Variants in FLNB observed in about 807,000 individuals in gnomAD.
FLNB encodes the protein filamin B, also known as filamin-B.
In FLNB, 111 loss-of-function variants were observed where a neutral mutation model predicts 250.6. The ratio of observed to expected loss-of-function variants is 0.44; its 90% confidence interval spans 0.38 to 0.52. FLNB has a LOEUF of 0.52. FLNB is among the 20% of genes least tolerant of loss of function. FLNB has a pLI of 0.00. For synonymous variants in FLNB, 1,302 were observed against 1,372.1 expected (o/e 0.95, Z 1.13); for missense variants, 2,869 against 3,447.8 (o/e 0.83, Z 4.20).
intron 1 of FLNB, among the ~76,000 whole-genome samples, chr3:58,072,606 T>G (rs1191005861): frequency 6.6e-6 from 1 of 152,204 alleles, no homozygotes; most frequent in Non-Finnish European, 1.5e-5. Flanking sequence ...TTTGGGCAAG[T>G]CGCCATCTTT....
rs574654024 is a variant in FLNB at position 58,138,386 on chromosome 3, G to C, written c.4966G>C (p.Asp1656His). The change falls in exon 29 of 46, where the codon GAT (aspartate) becomes CAT (histidine). Residue 1656 changes from aspartate (D) to histidine (H), a missense_variant. Transcript: ENST00000295956. The part of the protein sequence containing the change: ...GKVTCTVLTP[D>H]GTEAEADVIE... ...AGTGACCTGCACGGTTCTGACCCCA[G>C]ATGGCACTGAGGCCGAGGCCGATGT... 112 of 1,614,242 alleles carry C rather than the reference G, an allele frequency of 6.9e-5. 1 individual carries two copies. The South Asian group carries it at 1.0e-3, about 15-fold the overall frequency.
intron 1 of FLNB, among the ~76,000 whole-genome samples, chr3:58,073,276 G>A (rs2097197287): frequency 6.6e-6 from 1 of 152,082 alleles, no homozygotes; most frequent in Admixed American, 6.6e-5. Context: ...CTGATAATCA[G>A]TAGGTAGTAA....
At chr3:58,084,856 T>C (rs2097214975) in intron 4 of FLNB, among the ~76,000 whole-genome samples, 1 of 152,104 alleles carries the variant, frequency 6.6e-6, no homozygotes, top group South Asian at 2.1e-4. Flanking sequence ...TGAAATCATA[T>C]GCTGTCTGTT....
chr3:58,050,386 G>A (rs2097160541), intron 1 of FLNB, among the ~76,000 whole-genome samples: 6 of 152,122 alleles, frequency 3.9e-5, no homozygotes, highest in Admixed American at 3.9e-4. Flanking sequence ...GACCAGAAGT[G>A]GGGACCTGAA....
intron 1 of FLNB, among the ~76,000 whole-genome samples, chr3:58,009,530 A>G (rs1400338863): frequency 6.6e-6 from 1 of 152,154 alleles, no homozygotes; most frequent in Non-Finnish European, 1.5e-5. Flanking sequence ...GTTATAATTT[A>G]GAGATGGTGG....
At chr3:58,083,454 C>A (rs2097212283) in intron 4 of FLNB, among the ~76,000 whole-genome samples, 1 of 150,712 alleles carries the variant, frequency 6.6e-6, no homozygotes, top group Non-Finnish European at 1.5e-5. Flanking sequence ...GCAACCTCTG[C>A]CTCCTGGGTT....
intron 39 of FLNB, 147 bp downstream of exon 39, chr3:58,153,788 C>A: frequency 1.0e-6 from 1 of 961,942 alleles, no homozygotes; most frequent in Non-Finnish European, 1.6e-6. Context: ...GGCATCATGA[C>A]TAAGTCTGGC....
At position 58,123,477 on chromosome 3, in the gene FLNB, G is replaced by A. The variant is rs764817484; in HGVS notation, c.3511G>A (p.Val1171Ile). The part of the protein sequence containing the change: ...AGPGALGLEA[V>I]SDSGTKAEVS... The stretch of plus-strand genomic sequence containing the variant: ...ACCGGGGGCCCTGGGCCTGGAAGCT[G>A]TCTCGGACTCGGGAACAAAAGCCGA... Residue 1171 changes from valine (V) to isoleucine (I), a missense_variant, in exon 21 of 46, where the codon GTC (valine) becomes ATC (isoleucine). This residue lies in a region of FLNB where 1,348 missense variants were observed against 1,466.7 expected (regional missense o/e 0.92). Coordinates refer to ENST00000295956, the MANE Select transcript of FLNB (RefSeq NM_001457.4). 1 of 1,604,992 alleles carries A rather than the reference G, an allele frequency of 6.2e-7. No homozygotes were observed. Among genetic ancestry groups the A allele is most frequent in the Admixed American group, 1.7e-5 (1 of 59,184 alleles).
chr3:58,139,324 T>C (rs1429842999), intron 29 of FLNB, among the ~76,000 whole-genome samples: 2 of 152,204 alleles, frequency 1.3e-5, no homozygotes, highest in African/African-American at 2.4e-5. Flanking sequence ...CCAAATACCA[T>C]GCTGTCATCC....
At position 58,170,848 on chromosome 3, in the gene FLNB, T is replaced by G; in HGVS notation, c.*86T>G. On this transcript the variant is annotated 3_prime_UTR_variant, in exon 46 of 46. Coordinates refer to ENST00000295956, the MANE Select transcript of FLNB (RefSeq NM_001457.4). Reference sequence around the variant, plus strand: ...TCATTTTATACAAAGCCCTCCAGCCTGTTTGTGGGGCTGAAACCCCATCCC... The same window carrying G: ...TCATTTTATACAAAGCCCTCCAGCCGGTTTGTGGGGCTGAAACCCCATCCC... 7.8e-7 allele frequency: 1 copy of G among 1,281,614 alleles called. No homozygotes were observed. Among genetic ancestry groups the G allele is most frequent in the Non-Finnish European group, 1.1e-6 (1 of 900,164 alleles). The allele number at this position is 1,281,614 out of a possible 1,614,324, so 79.4% of individuals were successfully genotyped here.
In FLNB at chr3:58,054,917, T is replaced by C. The variant is rs565203241; in HGVS notation, c.293-22129T>C. ...GTACTGTCTATGGATGCTTTCACAC[T>C]GCAACAATAGATCCAAATAGTTGCA... On this transcript the variant is annotated intron_variant, in intron 1 of 45. Coordinates refer to ENST00000295956, the MANE Select transcript of FLNB (RefSeq NM_001457.4). Among the ~76,000 whole-genome samples, 10 of 152,326 alleles carry C rather than the reference T, an allele frequency of 6.6e-5. No individual in the cohort carries two copies. The South Asian group carries it at 8.3e-4, about 13-fold the overall frequency.
In FLNB at chr3:58,078,798, G is replaced by A; in HGVS notation, c.623G>A (p.Trp208Ter). 6.2e-7 allele frequency: 1 copy of A among 1,612,966 alleles called. No individual in the cohort carries two copies. The highest frequency in any genetic ancestry group is 8.5e-7 in the Non-Finnish European group (1 of 1,179,516). Reference sequence around the variant, plus strand: ...GAAGCCATGCAGCAGGCAGATGACTGGCTGGGTGTCCCACAGGTATGCACA... The same window carrying A: ...GAAGCCATGCAGCAGGCAGATGACTAGCTGGGTGTCCCACAGGTATGCACA... ...AREAMQQADD[W>*]LGVPQVITPE... Residue 208 changes from tryptophan (W) to a stop codon, truncating the protein, a stop_gained, in exon 3 of 46, where the codon TGG becomes TAG. Coordinates refer to ENST00000295956, the MANE Select transcript of FLNB (RefSeq NM_001457.4). LOFTEE classifies it high-confidence loss of function.
At position 58,124,450 on chromosome 3, in the gene FLNB, T is replaced by C. The variant is rs909226230; in HGVS notation, c.3843T>C (p.Phe1281=). 3 of 1,614,234 alleles carry C rather than the reference T, an allele frequency of 1.9e-6. No homozygotes were observed. Among genetic ancestry groups the C allele is most frequent in the Non-Finnish European group, 2.5e-6 (3 of 1,180,038 alleles). The part of the protein sequence containing the change: ...ANPSGASTEC[F]VTDNADGTYQ... ...CCTCAGGGGCCTCCACCGAGTGCTT[T>C]GTCACAGACAATGCGGATGGGACCT... Residue 1281 remains phenylalanine, a synonymous_variant, in exon 22 of 46, where the codon TTT becomes TTC. Coordinates refer to ENST00000295956, the MANE Select transcript of FLNB (RefSeq NM_001457.4).
Position 58,118,324 on chromosome 3 carries a change from A to G in FLNB, c.2746-548A>G, listed in dbSNP as rs1444455143. ...TCCCTGTTGCAGCCTGGGGGCCTCA[A>G]ACTGATTCCTAGGACAGAAATGGTT... is the stretch of plus-strand genomic sequence containing the variant. On this transcript the variant is annotated intron_variant, in intron 18 of 45. Transcript: ENST00000295956. Among the ~76,000 whole-genome samples the G allele has an allele frequency of 3.9e-5, 6 of 152,170 alleles. No homozygotes were observed. The East Asian group carries it at 1.2e-3, about 29-fold the overall frequency.
chr3:58,070,852 A>G (rs931207222), intron 1 of FLNB, among the ~76,000 whole-genome samples: 1 of 150,874 alleles, frequency 6.6e-6, no homozygotes, highest in Non-Finnish European at 1.5e-5. Flanking sequence ...GGGTTTCACC[A>G]TGTTGGCCAG....
chr3:58,119,224 C>T (rs1312694971), intron 19 of FLNB, among the ~76,000 whole-genome samples: 6 of 151,750 alleles, frequency 4.0e-5, no homozygotes, highest in East Asian at 1.9e-4. Context: ...GGGTGGTCGG[C>T]GGGGAGAGGT....
At chr3:58,024,660 T>C (rs1276780322) in intron 1 of FLNB, among the ~76,000 whole-genome samples, 28 of 151,402 alleles carry the variant, frequency 1.8e-4, no homozygotes. Context: ...GGAACCATCA[T>C]GAGTGGCATT....
chr3:58,086,989 T>C (rs1222757881), intron 4 of FLNB, among the ~76,000 whole-genome samples: 2 of 152,192 alleles, frequency 1.3e-5, no homozygotes, highest in African/African-American at 4.8e-5. Context: ...CATGTGCCTG[T>C]AGTCCCAGCT....
At position 58,159,634 on chromosome 3, in the gene FLNB, G is replaced by A. The variant is rs200694840; in HGVS notation, c.6969G>A (p.Val2323=). Residue 2323 remains valine (V), a synonymous_variant, in exon 42 of 46, where the codon GTG becomes GTA. Coordinates refer to ENST00000295956, the MANE Select transcript of FLNB (RefSeq NM_001457.4). The part of the protein sequence containing the change: ...NGAKGKIDAK[V]HSPSGAVEEC... The stretch of plus-strand genomic sequence containing the variant: ...CAAAAGGCAAGATTGATGCAAAGGT[G>A]CACAGCCCCTCTGGAGCCGTGGAGG... 1 of 1,611,414 alleles carries A rather than the reference G, an allele frequency of 6.2e-7. No homozygotes were observed. The highest frequency in any genetic ancestry group is 1.3e-5 in the African/African-American group (1 of 75,054).
Sources: gnomAD v4.1 joint callset for allele counts (sites outside exome capture counted in the v4.1 genomes callset) on GRCh38, gnomAD v4.1.1 for gene constraint, gnomAD v4.1.1 regional missense constraint, MANE v1.5 for transcripts, NCBI Gene and HGNC (gene_info 2026-07-23, HGNC 2026-07-21) for gene names.